The following LAMC2 variants were observed in gnomAD, a reference collection of about 807,000 sequenced individuals.
LAMC2 encodes laminin subunit gamma-2.
LAMC2 carries 97 observed loss-of-function variants against 140.2 expected under a neutral mutation model. The observed-to-expected ratio is 0.69, with a 90% CI of 0.59 to 0.82. LAMC2 has a LOEUF of 0.82. Ranked by LOEUF, LAMC2 falls within the 40% of genes least tolerant of loss-of-function variation. The probability of loss-of-function intolerance (pLI) is 0.00; values close to 1 mark genes in which losing one functional copy is unlikely to be tolerated. For synonymous variants in LAMC2, 513 were observed against 540.2 expected, an observed-to-expected ratio of 0.95 and a Z score of 0.70; for missense variants, 1,402 against 1,476.1, an observed-to-expected ratio of 0.95 and a Z score of 0.82.
chr1:183,225,527 C>T (rs541928893), intron 7 of LAMC2, 81 bp from the exon 8 acceptor site: 33 of 986,594 alleles, frequency 3.3e-5, no homozygotes, highest in African/African-American at 2.7e-4. Context: ...TAGCTGTTCC[C>T]GTATCCTCAG....
chr1:183,255,649 T>TG, the LAMC2 span, among the ~76,000 whole-genome samples: 1 of 147,834 alleles, frequency 6.8e-6, no homozygotes, highest in African/African-American at 2.5e-5. Flanking sequence ...CTTTGTTAAA[T>TG]TTATTCCTAA....
chr1:183,208,752 T>C (rs1658979979), intron 2 of LAMC2, among the ~76,000 whole-genome samples: 1 of 152,168 alleles, frequency 6.6e-6, no homozygotes, highest in South Asian at 2.1e-4. Context: ...CCATCTCGGC[T>C]CACTGCAACC....
chr1:183,243,620 G>A lies in LAMC2; in HGVS notation c.*220G>A. 1 of 601,032 alleles carries A rather than the reference G, an allele frequency of 1.7e-6. No homozygotes were observed. The highest frequency in any genetic ancestry group is 2.7e-5 in the Admixed American group (1 of 37,086). The allele number at this position is 601,032 out of a possible 1,614,324, so 37.2% of individuals were successfully genotyped here. A position where few individuals can be genotyped will look rare whatever the true frequency, so the allele number is the denominator to read the frequency against. The stretch of plus-strand genomic sequence containing the variant: ...GCTGGGCAATGAGGCAGATAGCACT[G>A]GGTGTGAGAATGATCAAGGATCTGG... On this transcript the variant is annotated 3_prime_UTR_variant, in exon 23 of 23. Transcript: ENST00000264144.
intron 1 of LAMC2, among the ~76,000 whole-genome samples, chr1:183,205,676 T>C (rs1465098618): frequency 6.6e-6 from 1 of 152,098 alleles, no homozygotes; most frequent in Non-Finnish European, 1.5e-5. Flanking sequence ...AGGAAAAGAC[T>C]AAGGAGGGAG....
At chr1:183,250,825 A>G in the LAMC2 span, 1 of 152,628 alleles carries the variant, frequency 6.6e-6, no homozygotes, top group Non-Finnish European at 1.5e-5. Context: ...CTGTTAAATC[A>G]AGTTCCTTTT....
At chr1:183,252,402 G>A in the LAMC2 span, 1 of 517,716 alleles carries the variant, frequency 1.9e-6, no homozygotes, top group South Asian at 2.1e-5. Context: ...CACTTCCCCC[G>A]ACTCCCACCC....
At chr1:183,198,717 T>TGAGGCC in intron 1 of LAMC2, among the ~76,000 whole-genome samples, 1 of 152,338 alleles carries the variant, frequency 6.6e-6, no homozygotes, top group Non-Finnish European at 1.5e-5. Flanking sequence ...TCTCATGCTC[T>TGAGGCC]GAGGCCTGCC....
intron 1 of LAMC2, among the ~76,000 whole-genome samples, chr1:183,195,940 A>G (rs143590270): frequency 1.2e-3 from 184 of 152,304 alleles, no homozygotes; most frequent in African/African-American, 4.2e-3. Flanking sequence ...TCATCATCAC[A>G]TGTAAATATA....
intron 1 of LAMC2, among the ~76,000 whole-genome samples, chr1:183,204,329 G>A (rs574361406): frequency 6.6e-6 from 1 of 151,912 alleles, no homozygotes; most frequent in Admixed American, 6.6e-5. Flanking sequence ...GTATGGTGGT[G>A]CACACCTGTA....
downstream of LAMC2, among the ~76,000 whole-genome samples, chr1:183,247,205 T>C (rs924295850): frequency 6.6e-6 from 1 of 152,060 alleles, no homozygotes; most frequent in African/African-American, 2.4e-5. Context: ...CCAGTTACTC[T>C]AGAGCCTGAG....
chr1:183,192,063 A>G lies in LAMC2; in HGVS notation c.79+5632A>G, dbSNP rs1395788397. 1.2e-4 allele frequency among the ~76,000 whole-genome samples: 18 copies of G among 152,228 alleles called. 1 individual carries two copies. Among genetic ancestry groups the G allele is most frequent in the Non-Finnish European group, 2.6e-4 (18 of 68,044 alleles). On this transcript the variant is annotated intron_variant, in intron 1 of 22. Coordinates refer to ENST00000264144, the MANE Select transcript of LAMC2 (RefSeq NM_005562.3). Reference sequence around the variant, plus strand: ...TGTCTGTGGGTGACTGTATGTCTGCATATGTAATTCCCCAAAAAGCATCTG... The same window carrying G: ...TGTCTGTGGGTGACTGTATGTCTGCGTATGTAATTCCCCAAAAAGCATCTG...
In LAMC2 at chr1:183,243,683, C is replaced by G. The variant is rs1660185564; in HGVS notation, c.*283C>G. The G allele has an allele frequency of 2.1e-6, 1 of 486,418 alleles. No individual in the cohort carries two copies. Among genetic ancestry groups the G allele is most frequent in the Admixed American group, 3.3e-5 (1 of 30,076 alleles). 30.1% of individuals were successfully genotyped at this position (486,418 alleles called of 1,614,324 possible). ...AGACTGGATGGAAAGACAAACTGCACAGGCAGATGTTTGCCTCATAATAGT... is the reference window on the plus strand; with the variant it reads ...AGACTGGATGGAAAGACAAACTGCAGAGGCAGATGTTTGCCTCATAATAGT... On this transcript the variant is annotated 3_prime_UTR_variant, in exon 23 of 23. Coordinates refer to ENST00000264144, the MANE Select transcript of LAMC2 (RefSeq NM_005562.3).
chr1:183,223,041 T>G, intron 6 of LAMC2, 94 bp from the exon 7 acceptor site: 1 of 1,149,002 alleles, frequency 8.7e-7, no homozygotes, highest in Non-Finnish European at 1.3e-6. Flanking sequence ...GACACAGGAC[T>G]TCAACAGAAA....
intron 1 of LAMC2, among the ~76,000 whole-genome samples, chr1:183,198,919 T>C (rs1316861884): frequency 6.6e-6 from 1 of 152,164 alleles, no homozygotes; most frequent in African/African-American, 2.4e-5. Flanking sequence ...CATGTTCCTC[T>C]CACAATTCTT....
At chr1:183,210,286 A>G (rs1571513855) in intron 2 of LAMC2, among the ~76,000 whole-genome samples, 2 of 152,310 alleles carry the variant, frequency 1.3e-5, no homozygotes, top group South Asian at 2.1e-4. Flanking sequence ...AACCACCATC[A>G]TCATTAGGTC....
intron 1 of LAMC2, among the ~76,000 whole-genome samples, chr1:183,195,270 G>T (rs1658478651): frequency 1.3e-5 from 2 of 151,974 alleles, no homozygotes. Context: ...GTCATCTACA[G>T]TTCACACGGG....
At chr1:183,200,503 G>C (rs912834351) in intron 1 of LAMC2, among the ~76,000 whole-genome samples, 3 of 152,154 alleles carry the variant, frequency 2.0e-5, no homozygotes, top group African/African-American at 7.2e-5. Context: ...TGTTTCTTAT[G>C]GGAAATTTAA....
intron 11 of LAMC2, among the ~76,000 whole-genome samples, chr1:183,230,650 G>T (rs112964978): frequency 6.6e-6 from 1 of 152,176 alleles, no homozygotes; most frequent in Non-Finnish European, 1.5e-5. Context: ...CATCTGGCAC[G>T]TAATGGGCCC....
chr1:183,223,941 C>T (rs1462669371), intron 7 of LAMC2, among the ~76,000 whole-genome samples: 1 of 152,096 alleles, frequency 6.6e-6, no homozygotes, highest in Non-Finnish European at 1.5e-5. Context: ...GGGAGCTGTG[C>T]CTACTAAGTG....
Sources: allele counts gnomAD v4.1 joint callset (sites outside exome capture counted in the v4.1 genomes callset), GRCh38; gene constraint gnomAD v4.1.1; transcripts MANE v1.5; gene names NCBI Gene and HGNC (gene_info 2026-07-23, HGNC 2026-07-21).